The following CUX1 variants were observed in gnomAD, a reference collection of about 807,000 sequenced individuals.
The protein encoded by CUX1 is cut like homeobox 1.
A neutral mutation model predicts 158.8 loss-of-function variants in CUX1; 31 were observed. The ratio of observed to expected loss-of-function variants is 0.20; its 90% CI spans 0.15 to 0.26. The LOEUF is 0.26. Ranked by LOEUF, CUX1 falls within the 10% of genes least tolerant of loss-of-function variation. CUX1 has a pLI of 1.00. For missense variants in CUX1, 1,589 were observed against 2,014.6 expected (o/e 0.79, Z 4.04); for synonymous variants, 879 against 862.1 (o/e 1.02, Z -0.34).
At chr7:102,027,887 C>A (rs1298807180) in intron 2 of CUX1, among the ~76,000 whole-genome samples, 2 of 152,146 alleles carry the variant, frequency 1.3e-5, no homozygotes, top group East Asian at 3.9e-4. Context: ...CAAAGAACCA[C>A]CTCGTTGTAT....
intron 6 of CUX1, among the ~76,000 whole-genome samples, chr7:102,106,264 A>G (rs1830342076): frequency 6.6e-6 from 1 of 151,280 alleles, no homozygotes; most frequent in African/African-American, 2.4e-5. Context: ...TAATTTTTGC[A>G]TTTTTAGTAG....
Position 102,248,710 on chromosome 7 carries a change from G to T in CUX1, c.4186G>T (p.Val1396Leu). Residue 1396 changes from valine (V) to leucine (L), a missense_variant, in exon 24 of 24, where the codon GTG becomes TTG. Val to Leu is a conservative substitution (Grantham distance 32). Coordinates refer to ENST00000292535, the MANE Select transcript of CUX1 (RefSeq NM_181552.4). This position sits in a 1 kb window ranked among gnomAD's most constrained non-coding sequence, Gnocchi z 5.8. Reference protein sequence around the residue: ...ARDDDHEGGPVEGPGPLPSPA... With the variant: ...ARDDDHEGGPLEGPGPLPSPA... Reference sequence around the variant, plus strand: ...CGACGACGACCACGAGGGAGGCCCCGTGGAAGGCCCGGGGCCCCTGCCCAG... The same window carrying T: ...CGACGACGACCACGAGGGAGGCCCCTTGGAAGGCCCGGGGCCCCTGCCCAG... 1 of 1,223,702 alleles carries T rather than the reference G, an allele frequency of 8.2e-7. No individual in the cohort carries two copies. Among genetic ancestry groups the T allele is most frequent in the Non-Finnish European group, 1.0e-6 (1 of 977,784 alleles). The allele number at this position is 1,223,702 out of a possible 1,614,324, so 75.8% of individuals were successfully genotyped here.
chr7:101,966,369 A>G (rs1811213674), intron 2 of CUX1, among the ~76,000 whole-genome samples: 1 of 151,864 alleles, frequency 6.6e-6, no homozygotes, highest in Non-Finnish European at 1.5e-5. Context: ...TTCTGGATCA[A>G]ATGACTTGAT....
intron 2 of CUX1, among the ~76,000 whole-genome samples, chr7:102,025,496 C>T (rs536823058): frequency 2.0e-5 from 3 of 151,896 alleles, no homozygotes; most frequent in African/African-American, 4.8e-5. Flanking sequence ...GGTGTGGTGG[C>T]GCATGCCTGT....
intron 1 of CUX1, among the ~76,000 whole-genome samples, chr7:101,825,954 C>A (rs147364510): frequency 3.3e-5 from 5 of 152,282 alleles, no homozygotes; most frequent in African/African-American, 1.2e-4. Context: ...CCAGATTAAT[C>A]TTCCCGAACC....
chr7:101,858,831 A>G (rs1011555210), intron 1 of CUX1, among the ~76,000 whole-genome samples: 4 of 151,964 alleles, frequency 2.6e-5, no homozygotes, highest in East Asian at 3.9e-4. Context: ...ATGCTCGGCT[A>G]ATTTTTATAT....
At chr7:101,944,608 C>T (rs1808152013) in intron 2 of CUX1, among the ~76,000 whole-genome samples, 1 of 152,242 alleles carries the variant, frequency 6.6e-6, no homozygotes, top group Non-Finnish European at 1.5e-5. Flanking sequence ...TCAAATCAAA[C>T]CCAGGAGCCG....
chr7:102,244,544 A>G (rs1800601263), intron 23 of CUX1, among the ~76,000 whole-genome samples: 1 of 152,084 alleles, frequency 6.6e-6, no homozygotes, highest in Admixed American at 6.5e-5. Context: ...AAAAATAGAA[A>G]AACAGGCGGG....
chr7:102,054,039 C>G (rs1823844944), intron 3 of CUX1, among the ~76,000 whole-genome samples: 1 of 152,130 alleles, frequency 6.6e-6, no homozygotes, highest in Admixed American at 6.6e-5. Flanking sequence ...AACTCCTGAC[C>G]TCAGGTGATC....
chr7:101,952,330 G>A (rs868320165), intron 2 of CUX1, among the ~76,000 whole-genome samples: 1 of 152,174 alleles, frequency 6.6e-6, no homozygotes, highest in Non-Finnish European at 1.5e-5. Flanking sequence ...GCAGTGAGCC[G>A]TGATTGCGCC....
chr7:101,951,357 C>T (rs1809035058), intron 2 of CUX1, among the ~76,000 whole-genome samples: 1 of 151,962 alleles, frequency 6.6e-6, no homozygotes, highest in African/African-American at 2.4e-5. Flanking sequence ...CCTTTAGCAG[C>T]ATCCTGTAGA....
chr7:101,975,987 C>T (rs1162706875), intron 2 of CUX1, among the ~76,000 whole-genome samples: 3 of 152,064 alleles, frequency 2.0e-5, no homozygotes, highest in Admixed American at 2.0e-4. Flanking sequence ...CTAAAATTAG[C>T]CAGGCGTTGT....
chr7:102,000,246 C>G (rs531450643), intron 2 of CUX1, among the ~76,000 whole-genome samples: 3 of 152,042 alleles, frequency 2.0e-5, no homozygotes, highest in African/African-American at 7.2e-5. Context: ...GAGAGAGACC[C>G]TAGTTTAGCT....
chr7:102,112,704 C>T (rs1308451083), intron 7 of CUX1, among the ~76,000 whole-genome samples: 2 of 151,494 alleles, frequency 1.3e-5, no homozygotes, highest in East Asian at 1.9e-4. Context: ...CCCAGTAGGT[C>T]GGATTACAGA....
chr7:102,049,191 A>T (rs1046939334), intron 3 of CUX1, among the ~76,000 whole-genome samples: 1 of 152,154 alleles, frequency 6.6e-6, no homozygotes, highest in Admixed American at 6.5e-5. Context: ...AGAAATAGAG[A>T]CTCACTCGGA....
At chr7:102,224,805 A>G (rs1168152359) in intron 20 of CUX1, among the ~76,000 whole-genome samples, 1 of 152,204 alleles carries the variant, frequency 6.6e-6, no homozygotes, top group Non-Finnish European at 1.5e-5. Context: ...AAACAGGGAG[A>G]TGCCACAGCA....
chr7:101,820,260 T>C (rs1792318023), intron 1 of CUX1, among the ~76,000 whole-genome samples: 1 of 152,152 alleles, frequency 6.6e-6, no homozygotes, highest in Non-Finnish European at 1.5e-5. Flanking sequence ...TTTAGTGAAA[T>C]GAAGGAAGGA....
chr7:101,921,668 G>A (rs551018828), intron 2 of CUX1, among the ~76,000 whole-genome samples: 1 of 152,132 alleles, frequency 6.6e-6, no homozygotes, highest in African/African-American at 2.4e-5. Flanking sequence ...CACCATGTTG[G>A]CCAGGCTGGT....
chr7:101,896,263 C>T (rs781728700), intron 1 of CUX1, among the ~76,000 whole-genome samples: 25 of 152,060 alleles, frequency 1.6e-4, no homozygotes, highest in African/African-American at 9.7e-5. Context: ...TCTTGCAGGT[C>T]GTGGGCAGCC....
Sources: gnomAD v4.1 joint callset for allele counts (sites outside exome capture counted in the v4.1 genomes callset) on GRCh38, gnomAD v4.1.1 for gene constraint, Gnocchi (gnomAD v3.1) non-coding constraint, MANE v1.5 for transcripts, NCBI Gene and HGNC (gene_info 2026-07-23, HGNC 2026-07-21) for gene names.